The following ME1 variants were observed in gnomAD, a reference collection of about 807,000 sequenced individuals.
ME1 encodes NADP-dependent malic enzyme.
A neutral mutation model predicts 66.4 loss-of-function variants in ME1; 74 were observed. The ratio of observed to expected loss-of-function variants is 1.11; its 90% confidence interval spans 0.92 to 1.35. The LOEUF (loss-of-function observed/expected upper bound fraction) is 1.35. Ranked by LOEUF, ME1 falls within the 40% of genes most tolerant of loss-of-function variation. The pLI is 0.00. For missense variants in ME1, 750 were observed against 694.1 expected, an observed-to-expected ratio of 1.08 and a Z score of -0.90; for synonymous variants, 251 against 235.6, an observed-to-expected ratio of 1.07 and a Z score of -0.60.
At chr6:83,241,744 A>C (rs1195675388) in intron 7 of ME1, among the ~76,000 whole-genome samples, 1 of 152,174 alleles carries the variant, frequency 6.6e-6, no homozygotes, top group Non-Finnish European at 1.5e-5. Context: ...TAAAACTGTA[A>C]ATTTTTACAA....
chr6:83,238,044 T>C (rs1232077490), intron 8 of ME1, among the ~76,000 whole-genome samples: 1 of 152,168 alleles, frequency 6.6e-6, no homozygotes, highest in African/African-American at 2.4e-5. Context: ...TATCCTTGAT[T>C]GTCAGTGTAT....
At position 83,237,693 on chromosome 6, in the gene ME1, T is replaced by C. The variant is rs772902359; in HGVS notation, c.1026+24A>G. On this transcript the variant is annotated intron_variant, in intron 9 of 13. Coordinates refer to ENST00000369705, the MANE Select transcript of ME1 (RefSeq NM_002395.6). ...CAGAATGGCATAGTTATCTTTATTC[T>C]GGTTAAAAATGACAAATTCTTACCT... 8 of 1,384,302 alleles carry C rather than the reference T, an allele frequency of 5.8e-6. No individual in the cohort carries two copies. In the Admixed American group the frequency reaches 9.4e-5, roughly 16 times the overall value. The allele number at this position is 1,384,302 out of a possible 1,614,324, so 85.8% of individuals were successfully genotyped here.
chr6:83,306,392 A>C (rs1329133378), intron 6 of ME1, among the ~76,000 whole-genome samples: 2 of 152,018 alleles, frequency 1.3e-5, no homozygotes, highest in African/African-American at 4.8e-5. Context: ...ATCTTTAATA[A>C]TCTAATAATT....
In ME1 at chr6:83,330,881, C is replaced by T. The variant is rs1768393623; in HGVS notation, c.600+15292G>A. ...CACAAAGAGCAAGCAAATGAAACTCCAAGCCAAACTCCTGGGAGTTGAGAA... is the reference window on the plus strand; with the variant it reads ...CACAAAGAGCAAGCAAATGAAACTCTAAGCCAAACTCCTGGGAGTTGAGAA... On this transcript the variant is annotated intron_variant, in intron 5 of 13. Transcript: ENST00000369705. Among the ~76,000 whole-genome samples, 3 of 152,052 alleles carry T rather than the reference C, an allele frequency of 2.0e-5. No individual in the cohort carries two copies. In the South Asian group the frequency reaches 6.2e-4, roughly 32 times the overall value.
intron 2 of ME1, among the ~76,000 whole-genome samples, chr6:83,405,753 G>A (rs1319157155): frequency 8.8e-5 from 12 of 136,304 alleles, no homozygotes; most frequent in South Asian, 2.3e-4. Context: ...ACGGAGTCTC[G>A]CTCTGTCGCC....
intron 3 of ME1, among the ~76,000 whole-genome samples, chr6:83,377,846 ATT>A (rs200341004): frequency 1.5e-5 from 2 of 136,184 alleles, no homozygotes; most frequent in Non-Finnish European, 1.7e-5. Flanking sequence ...TTTTTTTTCC[ATT>A]TAAACTAAAA....
chr6:83,239,407 G>A (rs1347108141), intron 8 of ME1, 132 bp downstream of exon 8: 1 of 536,458 alleles, frequency 1.9e-6, no homozygotes. Context: ...CTTAATTTGG[G>A]AATCTTCCAT....
chr6:83,240,890 G>C (rs1283813671), intron 7 of ME1, among the ~76,000 whole-genome samples: 2 of 152,066 alleles, frequency 1.3e-5, no homozygotes, highest in Non-Finnish European at 2.9e-5. Flanking sequence ...AGGCCTGTTA[G>C]TCCCATATGT....
intron 3 of ME1, among the ~76,000 whole-genome samples, chr6:83,382,939 G>A (rs1769435194): frequency 1.3e-5 from 2 of 151,718 alleles, no homozygotes; most frequent in Admixed American, 1.3e-4. Flanking sequence ...AGTAGATTCT[G>A]AATAAAACAG....
At chr6:83,283,732 A>T (rs1265155424) in intron 6 of ME1, among the ~76,000 whole-genome samples, 1 of 152,192 alleles carries the variant, frequency 6.6e-6, no homozygotes, top group Non-Finnish European at 1.5e-5. Context: ...TGAAAAATAG[A>T]TTTGAGGGAA....
chr6:83,368,124 G>A (rs969148953), intron 3 of ME1, among the ~76,000 whole-genome samples: 3 of 151,892 alleles, frequency 2.0e-5, no homozygotes, highest in Admixed American at 2.0e-4. Context: ...ACATATTTAT[G>A]GGTTAAGTTT....
intron 6 of ME1, among the ~76,000 whole-genome samples, chr6:83,314,009 C>T (rs1473151592): frequency 6.6e-6 from 1 of 152,140 alleles, no homozygotes; most frequent in Non-Finnish European, 1.5e-5. Context: ...ACCAGAAGTG[C>T]ATCTCTAGTT....
chr6:83,278,018 G>A (rs754164471), intron 6 of ME1, among the ~76,000 whole-genome samples: 1 of 151,970 alleles, frequency 6.6e-6, no homozygotes, highest in Non-Finnish European at 1.5e-5. Context: ...TCTAGGGTCA[G>A]AGTTTCTGGT....
intron 1 of ME1, among the ~76,000 whole-genome samples, chr6:83,426,628 C>A (rs1486855638): frequency 6.6e-6 from 1 of 152,204 alleles, no homozygotes; most frequent in African/African-American, 2.4e-5. Flanking sequence ...CTCTTTCTTA[C>A]AACACACCCA....
chr6:83,391,655 C>A (rs1266524214), intron 3 of ME1, among the ~76,000 whole-genome samples: 1 of 152,134 alleles, frequency 6.6e-6, no homozygotes, highest in East Asian at 1.9e-4. Flanking sequence ...AGCCCTAAGA[C>A]ATATACCCAC....
chr6:83,278,703 C>G (rs764445298), intron 6 of ME1, among the ~76,000 whole-genome samples: 8 of 152,134 alleles, frequency 5.3e-5, no homozygotes, highest in Non-Finnish European at 1.2e-4. Flanking sequence ...AGGCAATCCT[C>G]CCACCTCAGC....
chr6:83,305,826 T>C (rs933969921), intron 6 of ME1, among the ~76,000 whole-genome samples: 1 of 152,184 alleles, frequency 6.6e-6, no homozygotes, highest in Admixed American at 6.5e-5. Context: ...ATCAATTTTC[T>C]AAGTTTGCCT....
rs1790207319 is a variant in ME1 at position 83,226,927 on chromosome 6, C to A, written c.1275+408G>T. 1.3e-5 allele frequency among the ~76,000 whole-genome samples: 2 copies of A among 152,126 alleles called. 1 individual carries two copies. Among genetic ancestry groups the A allele is most frequent in the South Asian group, 4.1e-4 (2 of 4,830 alleles). ...TGCCCAAATGTTCCACCCATAGTAC[C>A]AAAACCCAAACCCAGGATTTAGCAA... On this transcript the variant is annotated intron_variant, in intron 11 of 13. Transcript: ENST00000369705.
At chr6:83,429,377 C>A (rs1031689907) in intron 1 of ME1, among the ~76,000 whole-genome samples, 1 of 152,138 alleles carries the variant, frequency 6.6e-6, no homozygotes, top group Non-Finnish European at 1.5e-5. Flanking sequence ...ACTCTTGCCC[C>A]CAACTTGAGG....
Sources: allele counts gnomAD v4.1 joint callset (sites outside exome capture counted in the v4.1 genomes callset), GRCh38; gene constraint gnomAD v4.1.1; transcripts MANE v1.5; gene names NCBI Gene and HGNC (gene_info 2026-07-23, HGNC 2026-07-21).